Variants in SEM1 observed in about 807,000 individuals in gnomAD.
SEM1 encodes SEM1 26S proteasome subunit.
A neutral mutation model predicts 12.7 loss-of-function variants in SEM1; 3 were observed. The observed-to-expected ratio is 0.24, with a 90% CI of 0.11 to 0.61. The LOEUF is 0.61. Among genes scored for constraint, SEM1 ranks in the 20% least tolerant of loss-of-function variants. SEM1 has a pLI of 0.88. For synonymous variants in SEM1, 30 were observed against 27.8 expected (o/e 1.08, Z -0.25); for missense variants, 59 against 81.3 (o/e 0.73, Z 1.06).
rs567976681 is a variant in SEM1 at position 96,557,473 on chromosome 7, G to A, written c.171-50775C>T. 5.6e-3 allele frequency among the ~76,000 whole-genome samples: 572 copies of A among 102,844 alleles called. 7 individuals are homozygous for A. The highest frequency in any genetic ancestry group is 0.015 in the African/African-American group (539 of 35,654). 67.5% of individuals were successfully genotyped at this position (102,844 alleles called of 152,430 possible). Reference sequence around the variant, plus strand: ...CCGTGTGAGGTGTCAGTGTGCCCCTGCTGGGGGGTGCCTCCCAGTTAGGCT... The same window carrying A: ...CCGTGTGAGGTGTCAGTGTGCCCCTACTGGGGGGTGCCTCCCAGTTAGGCT... On this transcript the variant is annotated intron_variant and NMD_transcript_variant, in intron 2 of 3. Transcript: ENST00000466986.
chr7:96,641,896 T>C (rs1808623701), intron 2 of SEM1, among the ~76,000 whole-genome samples: 4 of 151,946 alleles, frequency 2.6e-5, no homozygotes, highest in Non-Finnish European at 5.9e-5. Flanking sequence ...GGTGGTATAT[T>C]TTCTAAGCTC....
At chr7:96,525,481 G>A (rs1007497099) in intron 2 of SEM1, among the ~76,000 whole-genome samples, 1 of 152,138 alleles carries the variant, frequency 6.6e-6, no homozygotes, top group African/African-American at 2.4e-5. Context: ...AAGACTGGAA[G>A]TGAGTTCTTT....
chr7:96,615,573 T>A (rs1357715065), intron 2 of SEM1, among the ~76,000 whole-genome samples: 1 of 152,168 alleles, frequency 6.6e-6, no homozygotes, highest in African/African-American at 2.4e-5. Context: ...ATGATTTTTT[T>A]AAGAGTCCAT....
intron 2 of SEM1, among the ~76,000 whole-genome samples, chr7:96,653,218 G>C (rs1809058522): frequency 6.6e-6 from 1 of 152,140 alleles, no homozygotes; most frequent in African/African-American, 2.4e-5. Context: ...TACACTGCCT[G>C]TCAAAACACA....
chr7:96,667,573 T>A (rs190243632), intron 2 of SEM1, among the ~76,000 whole-genome samples: 2 of 152,320 alleles, frequency 1.3e-5, no homozygotes, highest in East Asian at 3.9e-4. Flanking sequence ...AGCTTTTGGA[T>A]ATATGAATGT....
chr7:96,516,733 T>C (rs997292795), intron 2 of SEM1, among the ~76,000 whole-genome samples: 1 of 152,174 alleles, frequency 6.6e-6, no homozygotes, highest in African/African-American at 2.4e-5. Context: ...CACTCTGGTA[T>C]TTATCTAAAG....
chr7:96,680,647 A>G (rs965086082), intron 2 of SEM1, among the ~76,000 whole-genome samples: 1 of 152,144 alleles, frequency 6.6e-6, no homozygotes, highest in Non-Finnish European at 1.5e-5. Context: ...AGGGTAACAA[A>G]GAGGGTAGGA....
intron 2 of SEM1, among the ~76,000 whole-genome samples, chr7:96,511,667 AGAG>A (rs1213243697): frequency 1.4e-4 from 22 of 152,316 alleles, no homozygotes; most frequent in African/African-American, 5.1e-4. Context: ...AATTACAACC[AGAG>A]GATACCCAGG....
At chr7:96,685,338 T>C (rs1584861799), downstream of SEM1, among the ~76,000 whole-genome samples, 1 of 152,084 alleles carries the variant, frequency 6.6e-6, no homozygotes, top group African/African-American at 2.4e-5. Flanking sequence ...AAAATAATTA[T>C]GAAAAATTAT....
At chr7:96,576,360 A>T (rs1806204269) in intron 2 of SEM1, among the ~76,000 whole-genome samples, 1 of 152,134 alleles carries the variant, frequency 6.6e-6, no homozygotes, top group Non-Finnish European at 1.5e-5. Context: ...TCTGACATTT[A>T]GTTACCCTTG....
intron 2 of SEM1, among the ~76,000 whole-genome samples, chr7:96,586,691 A>G (rs1757456949): frequency 6.6e-6 from 1 of 152,188 alleles, no homozygotes; most frequent in African/African-American, 2.4e-5. Flanking sequence ...TGGATTCTTT[A>G]GGTTTTTTGT....
Position 96,666,433 on chromosome 7 carries a change from C to T in SEM1, c.170+28365G>A, listed in dbSNP as rs571629812. Among the ~76,000 whole-genome samples the T allele has an allele frequency of 2.0e-5, 3 of 152,188 alleles. No individual in the cohort carries two copies. The East Asian group carries it at 5.8e-4, about 29-fold the overall frequency. ...TATAAAATGTGAAAATTAAAACCTA[C>T]ATTGTTGGATTGTAGTAAGGAGTAA... On this transcript the variant is annotated intron_variant, in intron 2 of 2. Transcript: ENST00000417009.
chr7:96,565,425 C>T lies in SEM1; in HGVS notation c.171-58727G>A, dbSNP rs78688099. 5.3e-5 allele frequency among the ~76,000 whole-genome samples: 8 copies of T among 151,708 alleles called. No homozygotes were observed. The East Asian group carries it at 1.6e-3, about 29-fold the overall frequency. ...CCATTATAGTCTAAAGGTCAATGCT[C>T]TGTGAGGCACAATTTTAGTAAGTGG... On this transcript the variant is annotated intron_variant and NMD_transcript_variant, in intron 2 of 3. Transcript: ENST00000466986.
chr7:96,587,368 T>C (rs1401782532), intron 2 of SEM1, among the ~76,000 whole-genome samples: 2 of 152,254 alleles, frequency 1.3e-5, no homozygotes, highest in Non-Finnish European at 2.9e-5. Flanking sequence ...GCTTCTGTTC[T>C]CTTCCTTGGA....
chr7:96,669,828 A>C (rs1789267283), downstream of SEM1, among the ~76,000 whole-genome samples: 1 of 152,166 alleles, frequency 6.6e-6, no homozygotes, highest in African/African-American at 2.4e-5. Context: ...TTTAGTATTC[A>C]AAGATATTTT....
chr7:96,597,579 A>T (rs1807042852), intron 2 of SEM1, among the ~76,000 whole-genome samples: 1 of 152,014 alleles, frequency 6.6e-6, no homozygotes, highest in South Asian at 2.1e-4. Flanking sequence ...CCATAGATTC[A>T]TCAGCTTGCA....
chr7:96,487,786 A>G (rs1802834226), intron 1 of SEM1, among the ~76,000 whole-genome samples: 1 of 150,184 alleles, frequency 6.7e-6, no homozygotes, highest in Non-Finnish European at 1.5e-5. Flanking sequence ...TAATCAGGAG[A>G]GTTGTTAACA....
upstream of SEM1, chr7:96,496,357 T>A: frequency 1.6e-6 from 2 of 1,272,044 alleles, no homozygotes; most frequent in Non-Finnish European, 2.2e-6. Context: ...TGAAATAAAT[T>A]AATTATTCAA....
intron 2 of SEM1, among the ~76,000 whole-genome samples, chr7:96,511,708 G>C (rs758554626): frequency 1.3e-5 from 2 of 152,044 alleles, no homozygotes; most frequent in Non-Finnish European, 2.9e-5. Context: ...ATCTAAAAAA[G>C]GGGTTAAAAT....
Sources: allele counts gnomAD v4.1 joint callset (sites outside exome capture counted in the v4.1 genomes callset), GRCh38; gene constraint gnomAD v4.1.1; transcripts MANE v1.5; gene names NCBI Gene and HGNC (gene_info 2026-07-23, HGNC 2026-07-21).